The following TRIM22 variants were observed in gnomAD, a reference collection of about 807,000 sequenced individuals.
The protein encoded by TRIM22 is tripartite motif containing 22.
In TRIM22, 45 loss-of-function variants were observed where a neutral mutation model predicts 53.6. The observed-to-expected ratio is 0.84, with a 90% CI of 0.66 to 1.08. The LOEUF is 1.08. Among genes scored for constraint, TRIM22 ranks in the 50% least tolerant of loss-of-function variants. TRIM22 has a pLI of 0.00. For synonymous variants in TRIM22, 225 were observed against 216.6 expected, an observed-to-expected ratio of 1.04 and a Z score of -0.34; for missense variants, 616 against 590.9, an observed-to-expected ratio of 1.04 and a Z score of -0.44.
intron 1 of TRIM22, among the ~76,000 whole-genome samples, chr11:5,691,752 T>C (rs993988064): frequency 4.6e-5 from 7 of 152,238 alleles, no homozygotes; most frequent in African/African-American, 1.7e-4. Context: ...TCCTGAGTCT[T>C]ATCTCGATCT....
intron 1 of TRIM22, among the ~76,000 whole-genome samples, chr11:5,692,162 G>A (rs1267935903): frequency 6.6e-6 from 1 of 152,140 alleles, no homozygotes; most frequent in East Asian, 1.9e-4. Context: ...GTAGCAAAAA[G>A]GTAGCAGTTA....
chr11:5,704,851 C>T (rs1326741849), intron 4 of TRIM22, among the ~76,000 whole-genome samples: 1 of 151,974 alleles, frequency 6.6e-6, no homozygotes, highest in East Asian at 1.9e-4. Flanking sequence ...TTATATTGTG[C>T]CCTGTTTCAC....
rs552682284 is a variant in TRIM22, at chr11:5,707,583, G to A, written c.774-590G>A. ...CTAGCACTTTGGGAAGCCGAGGCAG[G>A]CGGATCACTTGAGGTCAGAAGTTCA... On this transcript the variant is annotated intron_variant, in intron 5 of 7. Coordinates refer to ENST00000379965, the MANE Select transcript of TRIM22 (RefSeq NM_006074.5). Among the ~76,000 whole-genome samples the A allele has an allele frequency of 2.0e-5, 3 of 152,322 alleles. No homozygotes were observed. The South Asian group carries it at 6.2e-4, about 32-fold the overall frequency.
intron 1 of TRIM22, among the ~76,000 whole-genome samples, chr11:5,694,861 G>C (rs1027887351): frequency 6.6e-6 from 1 of 152,016 alleles, no homozygotes; most frequent in African/African-American, 2.4e-5. Flanking sequence ...GACTTGCTAT[G>C]GGTAGATGTG....
chr11:5,690,432 G>A (rs1276047605), intron 1 of TRIM22, among the ~76,000 whole-genome samples: 1 of 152,046 alleles, frequency 6.6e-6, no homozygotes, highest in African/African-American at 2.4e-5. Flanking sequence ...TTTAGATAAG[G>A]TGGGCACGTG....
At chr11:5,704,364 T>C (rs1853425268) in intron 4 of TRIM22, among the ~76,000 whole-genome samples, 1 of 152,182 alleles carries the variant, frequency 6.6e-6, no homozygotes, top group Non-Finnish European at 1.5e-5. Context: ...AATTCAGACT[T>C]TCACTATTAA....
Position 5,709,304 on chromosome 11 carries a change from G to A in TRIM22, c.1153G>A (p.Gly385Arg). 3 of 1,613,978 alleles carry A rather than the reference G, an allele frequency of 1.9e-6. No individual in the cohort carries two copies. Among genetic ancestry groups the A allele is most frequent in the Non-Finnish European group, 2.5e-6 (3 of 1,179,996 alleles). Residue 385 changes from glycine to arginine, a missense_variant, in exon 8 of 8, where the codon GGG becomes AGG. Coordinates refer to ENST00000379965, the MANE Select transcript of TRIM22 (RefSeq NM_006074.5). Reference protein sequence around the residue: ...ISSLNKRKSSGFAFDPSVNYS... With the variant: ...ISSLNKRKSSRFAFDPSVNYS... ...TAGTCTGAATAAAAGGAAGAGCTCT[G>A]GGTTTGCTTTTGATCCAAGTGTAAA...
intron 5 of TRIM22, among the ~76,000 whole-genome samples, chr11:5,707,830 A>AACAG (rs1331728971): frequency 6.6e-6 from 1 of 152,062 alleles, no homozygotes; most frequent in African/African-American, 2.4e-5. Context: ...CAAACAAACA[A>AACAG]ACAAACAAAA....
At chr11:5,706,262 C>T (rs1853455030) in intron 4 of TRIM22, among the ~76,000 whole-genome samples, 1 of 152,126 alleles carries the variant, frequency 6.6e-6, no homozygotes, top group African/African-American at 2.4e-5. Context: ...ATCTTATCTC[C>T]ACACTTTGTC....
Position 5,709,068 on chromosome 11 carries a change from A to G in TRIM22, c.917A>G (p.Asn306Ser), listed in dbSNP as rs756008298. ...TTTTCTACAGTGGACGTGATGCTGA[A>G]TCCAGGCAGTGCCACTTCGAATGTT... is the stretch of plus-strand genomic sequence containing the variant. ...VQYYWVDVMLNPGSATSNVAI... is the reference protein window; with the variant it reads ...VQYYWVDVMLSPGSATSNVAI... Residue 306 changes from asparagine (N) to serine (S), a missense_variant, in exon 8 of 8, where the codon AAT (asparagine) becomes AGT (serine). Coordinates refer to ENST00000379965, the MANE Select transcript of TRIM22 (RefSeq NM_006074.5). 36 of 1,612,838 alleles carry G rather than the reference A, an allele frequency of 2.2e-5. No individual in the cohort carries two copies. Among genetic ancestry groups the G allele is most frequent in the Non-Finnish European group, 2.9e-5 (34 of 1,178,806 alleles).
In TRIM22 at chr11:5,709,269, G is replaced by C. The variant is rs1853517657; in HGVS notation, c.1118G>C (p.Ser373Thr). The C allele has an allele frequency of 6.2e-7, 1 of 1,614,098 alleles. No homozygotes were observed. Among genetic ancestry groups the C allele is most frequent in the Non-Finnish European group, 8.5e-7 (1 of 1,180,004 alleles). Residue 373 changes from serine to threonine, a missense_variant, in exon 8 of 8, where the codon AGT becomes ACT. Ser to Thr is a moderately conservative substitution (Grantham distance 58). Transcript: ENST00000379965. ...ATTGCCTGGATCCTGGGCGTACACAGTAAAATAAGTAGTCTGAATAAAAGG... is the reference window on the plus strand; with the variant it reads ...ATTGCCTGGATCCTGGGCGTACACACTAAAATAAGTAGTCTGAATAAAAGG... The part of the protein sequence containing the change: ...GKIAWILGVH[S>T]KISSLNKRKS...
chr11:5,691,297 C>CAAGCAA (rs1240858815), intron 1 of TRIM22: 1 of 152,214 alleles, frequency 6.6e-6, no homozygotes, highest in Non-Finnish European at 1.5e-5. Flanking sequence ...AGGGGGTCCG[C>CAAGCAA]GTGAGAGGGT....
chr11:5,709,561 T>G lies in TRIM22; in HGVS notation c.1410T>G (p.Ser470=), dbSNP rs1162551199. ...ACGGAGCACTCATCTACAAGTTCTC[T>G]GGATGTCGCTTTTCTCGACCTGCTT... The part of the protein sequence containing the change: ...TNHGALIYKF[S]GCRFSRPAYP... The change falls in exon 8 of 8, where the codon TCT becomes TCG. Residue 470 remains serine (S), a synonymous_variant. Coordinates refer to ENST00000379965, the MANE Select transcript of TRIM22 (RefSeq NM_006074.5). The G allele has an allele frequency of 6.2e-7, 1 of 1,614,148 alleles. No homozygotes were observed. Among genetic ancestry groups the G allele is most frequent in the African/African-American group, 1.3e-5 (1 of 75,030 alleles).
chr11:5,706,000 T>G (rs549713466), intron 4 of TRIM22, among the ~76,000 whole-genome samples: 2 of 152,320 alleles, frequency 1.3e-5, no homozygotes, highest in African/African-American at 4.8e-5. Context: ...AACAGTACAC[T>G]TCTTAAGGAC....
At chr11:5,703,420 C>CT (rs1352254589) in intron 4 of TRIM22, among the ~76,000 whole-genome samples, 15 of 149,248 alleles carry the variant, frequency 1.0e-4, no homozygotes, top group Admixed American at 1.3e-4. Context: ...GAGTCTTGCT[C>CT]TGTCACCCAG....
At position 5,710,370 on chromosome 11, in the gene TRIM22, A is replaced by C. The variant is rs1380850554; in HGVS notation, c.*722A>C. On this transcript the variant is annotated 3_prime_UTR_variant, in exon 8 of 8. Transcript: ENST00000379965. Reference sequence around the variant, plus strand: ...TCTTCCTCATTTCCTCTGCCCCTTAAAAGATTGAAGAAAGAGAAACTTGTC... The same window carrying C: ...TCTTCCTCATTTCCTCTGCCCCTTACAAGATTGAAGAAAGAGAAACTTGTC... 1 of 152,178 alleles carries C rather than the reference A, an allele frequency of 6.6e-6. No homozygotes were observed. Among genetic ancestry groups the C allele is most frequent in the Admixed American group, 6.5e-5 (1 of 15,278 alleles). The allele number at this position is 152,178 out of a possible 1,614,324, so 9.4% of individuals were successfully genotyped here.
intron 4 of TRIM22, among the ~76,000 whole-genome samples, chr11:5,705,519 A>C (rs989273377): frequency 6.6e-6 from 1 of 152,198 alleles, no homozygotes; most frequent in Non-Finnish European, 1.5e-5. Context: ...AACAACAAAA[A>C]AGCTAATACA....
Position 5,697,279 on chromosome 11 carries a change from T to C in TRIM22, c.455T>C (p.Ile152Thr), listed in dbSNP as rs375795798. 3 of 1,613,252 alleles carry C rather than the reference T, an allele frequency of 1.9e-6. No individual in the cohort carries two copies. In the African/African-American group the frequency reaches 4.0e-5, roughly 22 times the overall value. ...EKLQVALQRLIKEDQEAEKLE... is the reference protein window; with the variant it reads ...EKLQVALQRLTKEDQEAEKLE... Reference sequence around the variant, plus strand: ...CTGCAGGTAGCCCTGCAGAGGCTGATAAAGGAGGATCAAGAGGCTGAGAAG... The same window carrying C: ...CTGCAGGTAGCCCTGCAGAGGCTGACAAAGGAGGATCAAGAGGCTGAGAAG... Residue 152 changes from isoleucine to threonine, a missense_variant, in exon 3 of 8, where the codon ATA becomes ACA. Ile to Thr is a moderately conservative substitution (Grantham distance 89, BLOSUM62 -1). Transcript: ENST00000379965.
At chr11:5,706,021 A>C (rs1180605706) in intron 4 of TRIM22, among the ~76,000 whole-genome samples, 1 of 152,164 alleles carries the variant, frequency 6.6e-6, no homozygotes, top group Non-Finnish European at 1.5e-5. Context: ...TTTTATTATT[A>C]ATTTTCATCA....
Sources: gnomAD v4.1 joint callset for allele counts (sites outside exome capture counted in the v4.1 genomes callset) on GRCh38, gnomAD v4.1.1 for gene constraint, MANE v1.5 for transcripts, NCBI Gene and HGNC (gene_info 2026-07-23, HGNC 2026-07-21) for gene names.